Variants in PCDHA11 observed in about 807,000 individuals in gnomAD.
PCDHA11 encodes the protein protocadherin alpha-11.
A neutral mutation model predicts 70.3 loss-of-function variants in PCDHA11; 61 were observed. The ratio of observed to expected loss-of-function variants is 0.87; its 90% CI spans 0.71 to 1.07. PCDHA11 has a LOEUF of 1.07. Among genes scored for constraint, PCDHA11 ranks in the 50% least tolerant of loss-of-function variants. PCDHA11 has a pLI of 0.00. For missense variants in PCDHA11, 1,324 were observed against 1,237.5 expected (o/e 1.07, Z -1.05); for synonymous variants, 633 against 555.1 (o/e 1.14, Z -1.97).
intron 1 of PCDHA11, among the ~76,000 whole-genome samples, chr5:140,905,308 T>C (rs1194215404): frequency 1.3e-5 from 2 of 152,120 alleles, no homozygotes; most frequent in African/African-American, 4.8e-5. Flanking sequence ...TTTCCACACT[T>C]TGTGTTTGTA....
At chr5:140,989,947 T>G (rs2097368215) in intron 3 of PCDHA11, among the ~76,000 whole-genome samples, 1 of 152,062 alleles carries the variant, frequency 6.6e-6, no homozygotes, top group Non-Finnish European at 1.5e-5. Context: ...CACGTTTTTC[T>G]CGGTGAGACC....
intron 1 of PCDHA11, among the ~76,000 whole-genome samples, chr5:140,891,954 G>C (rs782159289): frequency 4.6e-5 from 7 of 152,318 alleles, no homozygotes; most frequent in Admixed American, 6.5e-5. Flanking sequence ...CTCCAGAATT[G>C]TGAGAAGTAA....
chr5:140,875,497 C>T, intron 1 of PCDHA11: 1 of 1,613,256 alleles, frequency 6.2e-7, no homozygotes, highest in Non-Finnish European at 8.5e-7. Flanking sequence ...ACCAAGAGGC[C>T]CGGGATCCCA....
Position 140,928,944 on chromosome 5 carries a change from A to C in PCDHA11, c.2392-50005A>C, listed in dbSNP as rs782627710. The C allele has an allele frequency of 6.2e-6, 10 of 1,614,070 alleles. No homozygotes were observed. In the Admixed American group the frequency reaches 1.7e-4, roughly 27 times the overall value. On this transcript the variant is annotated intron_variant, in intron 1 of 3. Transcript: ENST00000398640. ...AGCTTTCTGCCCAGAACTTGTATTTAGTAATTGCCTTGGCTTGTATTTCCT... is the reference window on the plus strand; with the variant it reads ...AGCTTTCTGCCCAGAACTTGTATTTCGTAATTGCCTTGGCTTGTATTTCCT...
chr5:140,918,282 C>G (rs2078612020), intron 1 of PCDHA11, among the ~76,000 whole-genome samples: 1 of 152,016 alleles, frequency 6.6e-6, no homozygotes, highest in Non-Finnish European at 1.5e-5. Flanking sequence ...GATGTAGGAG[C>G]TTTTTGGCAG....
chr5:140,871,187 T>C lies in PCDHA11; in HGVS notation c.2084T>C (p.Val695Ala). 6.2e-7 allele frequency: 1 copy of C among 1,613,626 alleles called. No homozygotes were observed. Among genetic ancestry groups the C allele is most frequent in the Non-Finnish European group, 8.5e-7 (1 of 1,179,946 alleles). ...AASPEAALVD[V>A]NVYLIIAICV... ...AGCCCAGAGGCTGCGCTGGTGGATG[T>C]CAACGTGTACCTGATCATCGCCATC... The change falls in exon 1 of 4, where the codon GTC (valine) becomes GCC (alanine). Residue 695 changes from valine to alanine, a missense_variant. By Grantham distance (64) the Val-to-Ala change is moderately conservative. Coordinates refer to ENST00000398640, the MANE Select transcript of PCDHA11 (RefSeq NM_018902.5).
chr5:141,010,158 G>A lies in PCDHA11; in HGVS notation c.*221G>A. 6.4e-7 allele frequency: 1 copy of A among 1,570,690 alleles called. No homozygotes were observed. Among genetic ancestry groups the A allele is most frequent in the Non-Finnish European group, 8.6e-7 (1 of 1,156,884 alleles). On this transcript the variant is annotated 3_prime_UTR_variant, in exon 4 of 4. Coordinates refer to ENST00000398640, the MANE Select transcript of PCDHA11 (RefSeq NM_018902.5). Reference sequence around the variant, plus strand: ...TAACTCTTTCTCTCCACTCTGGCTTGTTTTCAGAACCTAAAAAGCAGACCC... The same window carrying A: ...TAACTCTTTCTCTCCACTCTGGCTTATTTTCAGAACCTAAAAAGCAGACCC...
At chr5:140,881,358 T>A in intron 1 of PCDHA11, 1 of 985,286 alleles carries the variant, frequency 1.0e-6, no homozygotes, top group Non-Finnish European at 1.2e-6. Flanking sequence ...AATGCGTGGC[T>A]TTCGTATGAA....
chr5:140,975,016 G>T (rs782435284), intron 1 of PCDHA11, among the ~76,000 whole-genome samples: 6 of 152,128 alleles, frequency 3.9e-5, no homozygotes, highest in Non-Finnish European at 8.8e-5. Context: ...AACACAGCTG[G>T]GCTGTGTTGT....
chr5:140,873,998 C>T (rs2054625298), intron 1 of PCDHA11, among the ~76,000 whole-genome samples: 1 of 152,166 alleles, frequency 6.6e-6, no homozygotes, highest in Non-Finnish European at 1.5e-5. Context: ...ATGTATGGTA[C>T]ATTGACCACT....
chr5:140,988,411 A>G (rs2097296392), intron 3 of PCDHA11, among the ~76,000 whole-genome samples: 1 of 152,144 alleles, frequency 6.6e-6, no homozygotes, highest in South Asian at 2.1e-4. Context: ...TTCGCAGCTT[A>G]TGTAAAGAAT....
rs185914290 is a variant in PCDHA11, at chr5:140,920,039, G to C, written c.2391+48545G>C. ...AGATGGAGACAGAGATTGGAGTGAT[G>C]TCAACAGCCACCAACACCTGGAAAA... On this transcript the variant is annotated intron_variant, in intron 1 of 3. Transcript: ENST00000398640. Among the ~76,000 whole-genome samples, 5 of 152,280 alleles carry C rather than the reference G, an allele frequency of 3.3e-5. No homozygotes were observed. In the South Asian group the frequency reaches 1.0e-3, roughly 32 times the overall value.
intron 3 of PCDHA11, among the ~76,000 whole-genome samples, chr5:140,995,541 G>T (rs1444257516): frequency 6.6e-5 from 10 of 152,186 alleles, no homozygotes; most frequent in Non-Finnish European, 1.3e-4. Context: ...CAAATAAGGG[G>T]CGATCACTGT....
At chr5:140,996,596 C>T (rs1343501273) in intron 3 of PCDHA11, among the ~76,000 whole-genome samples, 1 of 152,156 alleles carries the variant, frequency 6.6e-6, no homozygotes, top group Non-Finnish European at 1.5e-5. Flanking sequence ...CCGCCTCCCC[C>T]CATTTTCATT....
chr5:140,902,548 A>G (rs1554190491), intron 1 of PCDHA11, among the ~76,000 whole-genome samples: 1 of 152,028 alleles, frequency 6.6e-6, no homozygotes, highest in East Asian at 1.9e-4. Flanking sequence ...TTCCTTCTAT[A>G]CCCAGATTTT....
chr5:140,935,852 CTT>C (rs1267620281), intron 1 of PCDHA11, among the ~76,000 whole-genome samples: 2 of 149,326 alleles, frequency 1.3e-5, no homozygotes, highest in African/African-American at 4.9e-5. Context: ...TTAATGGTGT[CTT>C]TTGATTAGCA....
At chr5:140,974,828 A>T (rs2096642920) in intron 1 of PCDHA11, among the ~76,000 whole-genome samples, 1 of 152,188 alleles carries the variant, frequency 6.6e-6, no homozygotes, top group Non-Finnish European at 1.5e-5. Flanking sequence ...CAACATAATG[A>T]TTATTTTAAA....
At chr5:140,957,674 T>C (rs2095374808) in intron 1 of PCDHA11, among the ~76,000 whole-genome samples, 1 of 152,084 alleles carries the variant, frequency 6.6e-6, no homozygotes, top group African/African-American at 2.4e-5. Flanking sequence ...AAATTAATTA[T>C]GAAATATCTA....
chr5:140,940,940 G>A (rs187772223), intron 1 of PCDHA11, among the ~76,000 whole-genome samples: 2 of 152,254 alleles, frequency 1.3e-5, no homozygotes, highest in Non-Finnish European at 2.9e-5. Context: ...CTTAGACTAC[G>A]TATTCTCAGA....
Sources: allele counts gnomAD v4.1 joint callset (sites outside exome capture counted in the v4.1 genomes callset), GRCh38; gene constraint gnomAD v4.1.1; transcripts MANE v1.5; gene names NCBI Gene and HGNC (gene_info 2026-07-23, HGNC 2026-07-21).